The following SPNS3 variants were observed in gnomAD, a reference collection of about 807,000 sequenced individuals.
SPNS3 encodes the protein protein spinster homolog 3.
In SPNS3, 51 loss-of-function variants were observed where a neutral mutation model predicts 54.4. That is an observed-to-expected ratio of 0.94 (90% CI 0.75 to 1.18). The LOEUF (loss-of-function observed/expected upper bound fraction) is 1.18, where lower values mean the gene tolerates loss of function less well. SPNS3 is among the 50% of genes most tolerant of loss of function. SPNS3 has a pLI of 0.00. For synonymous variants in SPNS3, 309 were observed against 294.7 expected, an observed-to-expected ratio of 1.05 and a Z score of -0.50; for missense variants, 669 against 677.4, an observed-to-expected ratio of 0.99 and a Z score of 0.14.
chr17:4,437,890 G>A (rs568644124), intron 1 of SPNS3, among the ~76,000 whole-genome samples: 200 of 151,202 alleles, frequency 1.3e-3, no homozygotes, highest in African/African-American at 4.5e-3. Context: ...AGGTTCAAGC[G>A]ATTCTCCTGC....
intron 8 of SPNS3, among the ~76,000 whole-genome samples, chr17:4,470,341 T>A (rs997422717): frequency 3.3e-5 from 5 of 152,000 alleles, no homozygotes; most frequent in African/African-American, 1.2e-4. Context: ...AGGCTGAGAA[T>A]CGATTGAACT....
At position 4,434,184 on chromosome 17, in the gene SPNS3, AC is replaced by A. The variant is rs752136638; in HGVS notation, c.199+21del. On this transcript the variant is annotated intron_variant, in intron 1 of 11. Transcript: ENST00000355530. ...CATTGCAGGTGAGGAGGGGATGGCTACCCTGGGCAGTACCTGCTGCTGTGCC... is the reference window on the plus strand; with the variant it reads ...CATTGCAGGTGAGGAGGGGATGGCTACCTGGGCAGTACCTGCTGCTGTGCC... 9 of 1,597,096 alleles carry A rather than the reference AC, an allele frequency of 5.6e-6. No homozygotes were observed. Among genetic ancestry groups the A allele is most frequent in the Non-Finnish European group, 7.7e-6 (9 of 1,170,584 alleles).
At position 4,486,287 on chromosome 17, in the gene SPNS3, C is replaced by T. The variant is rs1409453657; in HGVS notation, c.1239C>T (p.His413=). The T allele has an allele frequency of 6.3e-7, 1 of 1,595,988 alleles. No individual in the cohort carries two copies. Among genetic ancestry groups the T allele is most frequent in the South Asian group, 1.1e-5 (1 of 88,570 alleles). ...AGGCACTTCAGATCACGGTGGGCCACATCCTGGGAGACGCTGGCAGCCCCT... is the reference window on the plus strand; with the variant it reads ...AGGCACTTCAGATCACGGTGGGCCATATCCTGGGAGACGCTGGCAGCCCCT... ...TAEALQITVG[H]ILGDAGSPYL... Residue 413 remains histidine (H), a synonymous_variant, in exon 10 of 12, where the codon CAC becomes CAT. Transcript: ENST00000355530. The surrounding 1 kb of genome is among the most constrained non-coding windows in gnomAD (Gnocchi z 5.5).
At chr17:4,477,918 C>T (rs371926483) in intron 8 of SPNS3, among the ~76,000 whole-genome samples, 2 of 149,482 alleles carry the variant, frequency 1.3e-5, no homozygotes, top group South Asian at 2.1e-4. Context: ...GGACAGCCTC[C>T]GAGTTGTCTT....
chr17:4,456,096 C>T (rs945187791), intron 8 of SPNS3, among the ~76,000 whole-genome samples: 2 of 152,052 alleles, frequency 1.3e-5, no homozygotes, highest in Non-Finnish European at 2.9e-5. Context: ...GGACTACAGG[C>T]GTGCACCACC....
Position 4,453,098 on chromosome 17 carries a change from G to T in SPNS3, c.1006G>T (p.Val336Phe). ...GAEAARRYKKVIPGAEPLICA... is the reference protein window; with the variant it reads ...GAEAARRYKKFIPGAEPLICA... Reference sequence around the variant, plus strand: ...AGAAGCTGCGAGGAGGTACAAGAAAGTCATTCCAGGAGCTGAGCCCCTCAT... The same window carrying T: ...AGAAGCTGCGAGGAGGTACAAGAAATTCATTCCAGGAGCTGAGCCCCTCAT... Residue 336 changes from valine (V) to phenylalanine (F), a missense_variant, in exon 8 of 12, where the codon GTC becomes TTC. By Grantham distance (50) the Val-to-Phe change is conservative. Coordinates refer to ENST00000355530, the MANE Select transcript of SPNS3 (RefSeq NM_182538.5). 2 of 1,614,130 alleles carry T rather than the reference G, an allele frequency of 1.2e-6. No individual in the cohort carries two copies. Among genetic ancestry groups the T allele is most frequent in the South Asian group, 1.1e-5 (1 of 91,082 alleles).
chr17:4,437,082 C>A (rs939157570), intron 1 of SPNS3, among the ~76,000 whole-genome samples: 4 of 152,152 alleles, frequency 2.6e-5, no homozygotes, highest in African/African-American at 4.8e-5. Context: ...GGGATAGAGA[C>A]CTGGAGAAGT....
At chr17:4,484,768 C>G (rs1437846477) in intron 9 of SPNS3, among the ~76,000 whole-genome samples, 1 of 152,002 alleles carries the variant, frequency 6.6e-6, no homozygotes, top group Non-Finnish European at 1.5e-5. Flanking sequence ...TCCTTCCATC[C>G]CCTGCTGTAG....
At chr17:4,437,793 T>C (rs1055749082) in intron 1 of SPNS3, among the ~76,000 whole-genome samples, 1 of 151,180 alleles carries the variant, frequency 6.6e-6, no homozygotes, top group Non-Finnish European at 1.5e-5. Flanking sequence ...GATTTCTTTT[T>C]TTTTTTTTTT....
In SPNS3 at chr17:4,446,029, C is replaced by G; in HGVS notation, c.403-19C>G. The G allele has an allele frequency of 6.3e-7, 1 of 1,590,612 alleles. No individual in the cohort carries two copies. Among genetic ancestry groups the G allele is most frequent in the Non-Finnish European group, 8.6e-7 (1 of 1,164,372 alleles). On this transcript the variant is annotated intron_variant, in intron 3 of 11. Transcript: ENST00000355530. ...GGTGATTTCTGGAACTCACCGTGGTCTTGTGCCTGCTCGCCCAGTATTCTT... is the reference window on the plus strand; with the variant it reads ...GGTGATTTCTGGAACTCACCGTGGTGTTGTGCCTGCTCGCCCAGTATTCTT...
chr17:4,452,041 A>G (rs117177350), intron 7 of SPNS3, among the ~76,000 whole-genome samples: 8,932 of 151,966 alleles, frequency 0.059, 329 homozygotes, highest in Middle Eastern at 0.13. Flanking sequence ...GTGAAGAAGT[A>G]TATTCAAATC....
intron 8 of SPNS3, among the ~76,000 whole-genome samples, chr17:4,467,724 G>A (rs545493190): frequency 3.9e-5 from 6 of 152,270 alleles, no homozygotes; most frequent in African/African-American, 1.4e-4. Context: ...GCTGGAGTGC[G>A]GTGTGATCTC....
At chr17:4,442,652 AAACT>A (rs2144007963) in intron 2 of SPNS3, among the ~76,000 whole-genome samples, 1 of 152,292 alleles carries the variant, frequency 6.6e-6, no homozygotes, top group East Asian at 1.9e-4. Context: ...ATAATATTTA[AAACT>A]AACACTGACT....
At chr17:4,480,759 G>GA (rs1172591739) in intron 9 of SPNS3, among the ~76,000 whole-genome samples, 1 of 152,112 alleles carries the variant, frequency 6.6e-6, no homozygotes. Flanking sequence ...GGCTGGACAG[G>GA]AACCAGCCCA....
chr17:4,475,802 C>T (rs752938895), intron 8 of SPNS3, among the ~76,000 whole-genome samples: 88 of 152,178 alleles, frequency 5.8e-4, no homozygotes, highest in Non-Finnish European at 1.1e-3. Context: ...CAAACCAGGG[C>T]CCTTTTTGTG....
intron 9 of SPNS3, among the ~76,000 whole-genome samples, chr17:4,485,688 G>A (rs1225619810): frequency 6.6e-6 from 1 of 152,188 alleles, no homozygotes; most frequent in Non-Finnish European, 1.5e-5. Flanking sequence ...GAGCCACCGC[G>A]CCTGGCCCAG....
intron 8 of SPNS3, 87 bp downstream of exon 8, chr17:4,453,292 A>G (rs1971219367): frequency 1.6e-6 from 2 of 1,220,888 alleles, no homozygotes; most frequent in Non-Finnish European, 2.3e-6. Flanking sequence ...CCCGGCCTTT[A>G]TGTACAATTA....
In SPNS3 at chr17:4,483,301, G is replaced by C. The variant is rs752143704; in HGVS notation, c.1180-2927G>C. Among the ~76,000 whole-genome samples the C allele has an allele frequency of 2.6e-5, 4 of 152,200 alleles. No individual in the cohort carries two copies. The highest frequency in any genetic ancestry group is 5.9e-5 in the Non-Finnish European group (4 of 68,030). ...GAGAGCCAGAAACAGAGGTGTTTTTGTCTCAGAATAGAGTGAGCCTGGATT... is the reference window on the plus strand; with the variant it reads ...GAGAGCCAGAAACAGAGGTGTTTTTCTCTCAGAATAGAGTGAGCCTGGATT... On this transcript the variant is annotated intron_variant, in intron 9 of 11. Transcript: ENST00000355530. This position sits in a 1 kb window ranked among gnomAD's most constrained non-coding sequence, Gnocchi z 4.2.
Position 4,488,091 on chromosome 17 carries a change from G to T in SPNS3, c.*197G>T, listed in dbSNP as rs1306795963. On this transcript the variant is annotated 3_prime_UTR_variant, in exon 12 of 12. Coordinates refer to ENST00000355530, the MANE Select transcript of SPNS3 (RefSeq NM_182538.5). ...GTCAGCACTCTGCGTGGGAGGCCTG[G>T]GCCTGTGCCTGCATCCCGCTCAAGG... 2.0e-5 allele frequency: 12 copies of T among 597,686 alleles called. No homozygotes were observed. Among genetic ancestry groups the T allele is most frequent in the African/African-American group, 3.7e-5 (2 of 53,748 alleles). The allele number at this position is 597,686 out of a possible 1,614,324, so 37.0% of individuals were successfully genotyped here. A position where few individuals can be genotyped will look rare whatever the true frequency, so the allele number is the denominator to read the frequency against.
Sources: allele counts gnomAD v4.1 joint callset (sites outside exome capture counted in the v4.1 genomes callset), GRCh38; gene constraint gnomAD v4.1.1; non-coding constraint Gnocchi (gnomAD v3.1); transcripts MANE v1.5; gene names NCBI Gene and HGNC (gene_info 2026-07-23, HGNC 2026-07-21).